The following RNF170 variants were observed in gnomAD, a reference collection of about 807,000 sequenced individuals.
RNF170 encodes E3 ubiquitin-protein ligase RNF170.
Under a neutral mutation model 32.7 loss-of-function variants are expected in RNF170, and 12 were observed. The ratio of observed to expected loss-of-function variants is 0.37; its 90% CI spans 0.24 to 0.60. The LOEUF is 0.60. Ranked by LOEUF, RNF170 falls within the 20% of genes least tolerant of loss-of-function variation. The pLI, the probability that RNF170 is intolerant of heterozygous loss-of-function variation, is 0.72. For synonymous variants in RNF170, 91 were observed against 103.6 expected (o/e 0.88, Z 0.74); for missense variants, 212 against 311.2 (o/e 0.68, Z 2.40).
chr8:42,892,532 T>G (rs1165993894), intron 1 of RNF170, among the ~76,000 whole-genome samples: 1 of 152,188 alleles, frequency 6.6e-6, no homozygotes, highest in Non-Finnish European at 1.5e-5. Flanking sequence ...AGTTTTAGAA[T>G]ATGTAGATAC....
intron 5 of RNF170, among the ~76,000 whole-genome samples, chr8:42,864,934 A>G (rs529482331): frequency 6.6e-6 from 1 of 151,744 alleles, no homozygotes; most frequent in Non-Finnish European, 1.5e-5. Flanking sequence ...TTAAAAAAAT[A>G]ATCGTGGGCC....
chr8:42,854,444 G>C lies in RNF170; in HGVS notation c.*1715C>G, dbSNP rs537465805. 4 of 1,287,098 alleles carry C rather than the reference G, an allele frequency of 3.1e-6. No homozygotes were observed. The African/African-American group carries it at 4.6e-5, about 15-fold the overall frequency. 79.7% of individuals were successfully genotyped at this position (1,287,098 alleles called of 1,614,324 possible). ...TATGAAAGGGAAGTTGGTGTCCTGCGTTCCTCACAAAATTATCCAAAGGAT... is the reference window on the plus strand; with the variant it reads ...TATGAAAGGGAAGTTGGTGTCCTGCCTTCCTCACAAAATTATCCAAAGGAT... On this transcript the variant is annotated 3_prime_UTR_variant, in exon 7 of 7. Coordinates refer to ENST00000527424, the MANE Select transcript of RNF170 (RefSeq NM_030954.4).
chr8:42,895,587 G>T (rs1325719179), intron 1 of RNF170, among the ~76,000 whole-genome samples: 2 of 152,190 alleles, frequency 1.3e-5, no homozygotes, highest in Admixed American at 1.3e-4. Flanking sequence ...AGGTACACTA[G>T]AATGTTTATA....
chr8:42,894,754 G>A (rs1435227147), intron 1 of RNF170, among the ~76,000 whole-genome samples: 1 of 151,982 alleles, frequency 6.6e-6, no homozygotes, highest in Non-Finnish European at 1.5e-5. Flanking sequence ...TAGTAGAGAC[G>A]GGGTTTCACC....
At chr8:42,857,440 G>A (rs760762107) in intron 6 of RNF170, among the ~76,000 whole-genome samples, 8 of 152,172 alleles carry the variant, frequency 5.3e-5, no homozygotes, top group Non-Finnish European at 1.2e-4. Flanking sequence ...CTAACAAACA[G>A]CCAGCATGTC....
intron 2 of RNF170, among the ~76,000 whole-genome samples, chr8:42,884,886 G>C (rs1333094819): frequency 5.2e-5 from 2 of 38,190 alleles, no homozygotes; most frequent in Non-Finnish European, 1.2e-4. Context: ...ATTTTGAGTA[G>C]AGACGGAGTT....
intron 3 of RNF170, among the ~76,000 whole-genome samples, chr8:42,870,981 GGTGGATCA>G (rs1160829266): frequency 4.0e-5 from 6 of 151,890 alleles, no homozygotes; most frequent in African/African-American, 1.5e-4. Context: ...GGCTGAGGTG[GGTGGATCA>G]CTTGAGGTCA....
intron 3 of RNF170, among the ~76,000 whole-genome samples, chr8:42,872,786 T>C (rs560722780): frequency 6.6e-6 from 1 of 152,178 alleles, no homozygotes; most frequent in South Asian, 2.1e-4. Context: ...TCCATGAGGG[T>C]AGGAATTTTT....
At chr8:42,864,004 T>TGA (rs1803896503) in intron 5 of RNF170, among the ~76,000 whole-genome samples, 1 of 150,482 alleles carries the variant, frequency 6.6e-6, no homozygotes, top group African/African-American at 2.5e-5. Context: ...TGTGTGTGTG[T>TGA]GTGTGTGTGA....
intron 2 of RNF170, among the ~76,000 whole-genome samples, chr8:42,876,010 C>A (rs999097264): frequency 6.6e-6 from 1 of 152,100 alleles, no homozygotes; most frequent in African/African-American, 2.4e-5. Flanking sequence ...GCAGAGGAAC[C>A]ATCTCATTTA....
intron 1 of RNF170, among the ~76,000 whole-genome samples, chr8:42,890,445 T>C (rs142736456): frequency 0.047 from 7,202 of 151,866 alleles, 347 homozygotes; most frequent in African/African-American, 0.12. Flanking sequence ...ACCCGGCTAA[T>C]TTTTTCTGTT....
Position 42,854,444 on chromosome 8 carries a change from G to A in RNF170, c.*1715C>T, listed in dbSNP as rs537465805. The A allele has an allele frequency of 1.7e-5, 22 of 1,286,980 alleles. No individual in the cohort carries two copies. Among genetic ancestry groups the A allele is most frequent in the African/African-American group, 1.2e-4 (8 of 65,770 alleles). The allele number at this position is 1,286,980 out of a possible 1,614,324, so 79.7% of individuals were successfully genotyped here. ...TATGAAAGGGAAGTTGGTGTCCTGCGTTCCTCACAAAATTATCCAAAGGAT... is the reference window on the plus strand; with the variant it reads ...TATGAAAGGGAAGTTGGTGTCCTGCATTCCTCACAAAATTATCCAAAGGAT... On this transcript the variant is annotated 3_prime_UTR_variant, in exon 7 of 7. Coordinates refer to ENST00000527424, the MANE Select transcript of RNF170 (RefSeq NM_030954.4).
intron 6 of RNF170, 50 bp from the exon 7 acceptor site, chr8:42,856,478 T>C (rs1026691491): frequency 1.5e-6 from 2 of 1,301,600 alleles, no homozygotes; most frequent in Non-Finnish European, 2.2e-6. Flanking sequence ...ATGTGTCAGA[T>C]TTCAAAATAA....
intron 1 of RNF170, chr8:42,896,176 C>T (rs1286984303): frequency 7.7e-6 from 2 of 261,348 alleles, no homozygotes; most frequent in East Asian, 3.1e-4. Context: ...ACCCCTCCTG[C>T]ATTAAGGAGA....
intron 2 of RNF170, among the ~76,000 whole-genome samples, chr8:42,879,619 C>T (rs1805222969): frequency 6.6e-6 from 1 of 152,118 alleles, no homozygotes; most frequent in African/African-American, 2.4e-5. Flanking sequence ...CTACTGCACT[C>T]CAGCCTGGGC....
At position 42,855,068 on chromosome 8, in the gene RNF170, A is replaced by C. The variant is rs1204267716; in HGVS notation, c.*1091T>G. 1.6e-6 allele frequency: 2 copies of C among 1,287,236 alleles called. No individual in the cohort carries two copies. The highest frequency in any genetic ancestry group is 5.5e-5 in the East Asian group (1 of 18,032). 79.7% of individuals were successfully genotyped at this position (1,287,236 alleles called of 1,614,324 possible). ...AAAGACACGAAGATTCACCTTCCTC[A>C]GAAATGCATCAGGCTACTCTGTGTT... On this transcript the variant is annotated 3_prime_UTR_variant, in exon 7 of 7. Transcript: ENST00000527424.
chr8:42,887,891 G>A lies in RNF170; in HGVS notation c.-7-20C>T. The A allele has an allele frequency of 6.2e-7, 1 of 1,607,036 alleles. No individual in the cohort carries two copies. Among genetic ancestry groups the A allele is most frequent in the Non-Finnish European group, 8.5e-7 (1 of 1,173,756 alleles). ...CCAGGTCTAAAATAAGAAGAAACAA[G>A]ATGAGAGTTACAAATGACACAGTGA... is the stretch of plus-strand genomic sequence containing the variant. On this transcript the variant is annotated intron_variant, in intron 1 of 6. Coordinates refer to ENST00000527424, the MANE Select transcript of RNF170 (RefSeq NM_030954.4).
intron 6 of RNF170, among the ~76,000 whole-genome samples, chr8:42,858,774 A>C (rs568941022): frequency 6.6e-6 from 1 of 152,294 alleles, no homozygotes; most frequent in Admixed American, 6.5e-5. Context: ...GTGTGCTGAG[A>C]GCATAGAGCA....
downstream of RNF170, chr8:42,851,109 C>T: frequency 6.8e-7 from 1 of 1,462,886 alleles, no homozygotes; most frequent in Non-Finnish European, 9.2e-7. Flanking sequence ...CACTTCATGC[C>T]CTCCTTCCAG....
Sources: allele counts gnomAD v4.1 joint callset (sites outside exome capture counted in the v4.1 genomes callset), GRCh38; gene constraint gnomAD v4.1.1; transcripts MANE v1.5; gene names NCBI Gene and HGNC (gene_info 2026-07-23, HGNC 2026-07-21).